CTNNA2: variants seen among roughly 807,000 people sequenced by gnomAD.
The protein encoded by CTNNA2 is catenin alpha 2.
CTNNA2 carries 42 observed loss-of-function variants against 101.0 expected under a neutral mutation model. That is an observed-to-expected ratio of 0.42 (90% confidence interval 0.32 to 0.54). CTNNA2 has a LOEUF of 0.54. Ranked by LOEUF, CTNNA2 falls within the 20% of genes least tolerant of loss-of-function variation. The pLI is 0.14. For synonymous variants in CTNNA2, 450 were observed against 456.4 expected (o/e 0.99, Z 0.18); for missense variants, 871 against 1,223.1 (o/e 0.71, Z 4.29).
chr2:79,873,683 G>GA (rs1325485808), intron 5 of CTNNA2, among the ~76,000 whole-genome samples: 1 of 152,112 alleles, frequency 6.6e-6, no homozygotes, highest in East Asian at 1.9e-4. Flanking sequence ...AGAATCCCTT[G>GA]AGGCCAGGAG....
chr2:80,618,956 A>G (rs1425204400), intron 17 of CTNNA2, 129 bp from the exon 18 acceptor site: 2 of 521,904 alleles, frequency 3.8e-6, no homozygotes, highest in South Asian at 4.7e-5. Context: ...TAATTCCTTC[A>G]TATACCTCTT....
intron 4 of CTNNA2, among the ~76,000 whole-genome samples, chr2:79,413,450 C>T (rs1281564343): frequency 1.3e-5 from 2 of 151,980 alleles, no homozygotes; most frequent in Non-Finnish European, 2.9e-5. Flanking sequence ...CCATTTTCTT[C>T]ATTCAGTCAC....
chr2:79,965,957 T>C (rs1358115328), intron 7 of CTNNA2, among the ~76,000 whole-genome samples: 6 of 149,204 alleles, frequency 4.0e-5, no homozygotes, highest in Non-Finnish European at 7.4e-5. Context: ...AAAAATAAAA[T>C]AATTACTGGT....
intron 2 of CTNNA2, among the ~76,000 whole-genome samples, chr2:79,251,585 TG>T (rs1674771274): frequency 6.6e-6 from 1 of 152,150 alleles, no homozygotes; most frequent in Non-Finnish European, 1.5e-5. Context: ...CTCTCTCATT[TG>T]GAGTCCTCAC....
At chr2:80,108,839 T>C (rs1262096491) in intron 7 of CTNNA2, among the ~76,000 whole-genome samples, 4 of 152,210 alleles carry the variant, frequency 2.6e-5, no homozygotes, top group African/African-American at 7.2e-5. Flanking sequence ...GCTTCTTGCT[T>C]TTTTGTTTAC....
At chr2:80,249,095 A>G (rs1472029286) in intron 7 of CTNNA2, among the ~76,000 whole-genome samples, 1 of 152,166 alleles carries the variant, frequency 6.6e-6, no homozygotes, top group East Asian at 1.9e-4. Context: ...AGAAAAGGTG[A>G]TGATGTGGTT....
intron 9 of CTNNA2, among the ~76,000 whole-genome samples, chr2:80,476,902 AG>A (rs1372037635): frequency 2.0e-5 from 3 of 152,212 alleles, no homozygotes; most frequent in African/African-American, 7.2e-5. Flanking sequence ...CCATGTTATC[AG>A]GATTCATAGG....
rs190155246 is a variant in CTNNA2 at position 79,423,228 on chromosome 2, G to T, written c.-135+49215G>T. ...TCCATGCTATAAAAGTCACATGTAG[G>T]TACTCTGGTCAATAGCACCAGATGA... On this transcript the variant is annotated intron_variant, in intron 4 of 21. Transcript: ENST00000466387. 2.6e-5 allele frequency among the ~76,000 whole-genome samples: 4 copies of T among 152,196 alleles called. No individual in the cohort carries two copies. The East Asian group carries it at 7.7e-4, about 29-fold the overall frequency.
At chr2:79,713,951 A>T (rs538389463) in intron 2 of CTNNA2, among the ~76,000 whole-genome samples, 1 of 152,220 alleles carries the variant, frequency 6.6e-6, no homozygotes, top group East Asian at 1.9e-4. Context: ...GAATTTACTC[A>T]TATGTCTTTA....
At chr2:79,393,833 C>A (rs1262110111) in intron 4 of CTNNA2, among the ~76,000 whole-genome samples, 2 of 152,100 alleles carry the variant, frequency 1.3e-5, no homozygotes, top group Non-Finnish European at 2.9e-5. Flanking sequence ...GCCTGGCTCC[C>A]TGCAGGATCG....
intron 7 of CTNNA2, among the ~76,000 whole-genome samples, chr2:80,227,268 A>G (rs1169249213): frequency 6.6e-6 from 1 of 152,226 alleles, no homozygotes; most frequent in Non-Finnish European, 1.5e-5. Context: ...AAATAATAAT[A>G]AGCACTACTG....
At chr2:80,641,640 T>C (rs1558671424) in intron 18 of CTNNA2, among the ~76,000 whole-genome samples, 1 of 152,160 alleles carries the variant, frequency 6.6e-6, no homozygotes, top group African/African-American at 2.4e-5. Flanking sequence ...TTTATTTCTA[T>C]CTTACCTCAG....
At chr2:80,117,448 C>A (rs376239813) in intron 7 of CTNNA2, among the ~76,000 whole-genome samples, 1 of 44,750 alleles carries the variant, frequency 2.2e-5, no homozygotes, top group Non-Finnish European at 4.6e-5. Flanking sequence ...TAGATGGTTC[C>A]TGTGTGAGTG....
At chr2:80,404,875 G>A (rs1456114606) in intron 8 of CTNNA2, among the ~76,000 whole-genome samples, 1 of 152,166 alleles carries the variant, frequency 6.6e-6, no homozygotes, top group Non-Finnish European at 1.5e-5. Context: ...AACCATTGAT[G>A]TTGATTTTTT....
intron 2 of CTNNA2, among the ~76,000 whole-genome samples, chr2:79,234,737 T>G (rs1464720397): frequency 6.6e-6 from 1 of 152,206 alleles, no homozygotes; most frequent in Admixed American, 6.5e-5. Flanking sequence ...GTAAAATTCT[T>G]TTTTCCTTAT....
At chr2:79,407,301 A>T (rs1451334712) in intron 4 of CTNNA2, among the ~76,000 whole-genome samples, 1 of 152,082 alleles carries the variant, frequency 6.6e-6, no homozygotes, top group African/African-American at 2.4e-5. Flanking sequence ...CCATTTTACA[A>T]CCAGGAATTG....
intron 3 of CTNNA2, among the ~76,000 whole-genome samples, chr2:79,768,102 A>AG (rs1240236288): frequency 6.6e-6 from 1 of 151,736 alleles, no homozygotes; most frequent in Non-Finnish European, 1.5e-5. Flanking sequence ...CACCCTGGCT[A>AG]GGGCTGGTCT....
chr2:79,210,822 TC>T (rs1182349763), intron 2 of CTNNA2, among the ~76,000 whole-genome samples: 5 of 152,046 alleles, frequency 3.3e-5, no homozygotes, highest in African/African-American at 1.2e-4. Context: ...TTCCGATGTG[TC>T]CCCCAATCCC....
chr2:79,853,933 G>T (rs1432846242), intron 3 of CTNNA2, among the ~76,000 whole-genome samples: 1 of 140,144 alleles, frequency 7.1e-6, no homozygotes, highest in Admixed American at 6.9e-5. Flanking sequence ...CTTCCAAAGT[G>T]CTGGGATTAC....
Sources: gnomAD v4.1 joint callset for allele counts (sites outside exome capture counted in the v4.1 genomes callset) on GRCh38, gnomAD v4.1.1 for gene constraint, MANE v1.5 for transcripts, NCBI Gene and HGNC (gene_info 2026-07-23, HGNC 2026-07-21) for gene names.